Variants in PRR16 observed in about 807,000 individuals in gnomAD.
PRR16 encodes the protein protein Largen.
In PRR16, 6 loss-of-function variants were observed where a neutral mutation model predicts 18.2. That is an observed-to-expected ratio of 0.33 (90% CI 0.18 to 0.65). PRR16 has a LOEUF of 0.65. PRR16 is among the 30% of genes least tolerant of loss of function. PRR16 has a pLI of 0.74. For synonymous variants in PRR16, 151 were observed against 147.8 expected, an observed-to-expected ratio of 1.02 and a Z score of -0.16; for missense variants, 412 against 376.6, an observed-to-expected ratio of 1.09 and a Z score of -0.78.
At position 120,686,459 on chromosome 5, in the gene PRR16, C is replaced by T. The variant is rs1483538900; in HGVS notation, c.665C>T (p.Thr222Ile). The change falls in exon 2 of 2, where the codon ACC becomes ATC. Residue 222 changes from threonine (T) to isoleucine (I), a missense_variant. By Grantham distance (89) the Thr-to-Ile change is moderately conservative (BLOSUM62 -1). Coordinates refer to ENST00000407149, the MANE Select transcript of PRR16 (RefSeq NM_001300783.2). ...CATGGCTATTGTCCTGACTGTGATA[C>T]CCGGTATAACATAAAAAACAGGGAG... ...QYHGYCPDCD[T>I]RYNIKNREVH... 6.2e-7 allele frequency: 1 copy of T among 1,613,962 alleles called. No individual in the cohort carries two copies. Among genetic ancestry groups the T allele is most frequent in the Non-Finnish European group, 8.5e-7 (1 of 1,180,024 alleles).
chr5:120,502,237 T>A (rs1212867058), intron 1 of PRR16, among the ~76,000 whole-genome samples: 1 of 150,964 alleles, frequency 6.6e-6, no homozygotes, highest in Non-Finnish European at 1.5e-5. Flanking sequence ...AACAGTTTCC[T>A]TTTATATGTT....
chr5:120,534,778 T>G (rs1362545177), intron 1 of PRR16, among the ~76,000 whole-genome samples: 2 of 152,144 alleles, frequency 1.3e-5, no homozygotes, highest in East Asian at 3.8e-4. Context: ...CTCTATGTAT[T>G]TAGATGTGAG....
At chr5:120,549,754 G>T (rs1752194051) in intron 1 of PRR16, among the ~76,000 whole-genome samples, 1 of 151,754 alleles carries the variant, frequency 6.6e-6, no homozygotes, top group Non-Finnish European at 1.5e-5. Flanking sequence ...TTGACTTTAG[G>T]TGATTAATTT....
chr5:120,753,940 ATATATGT>A, the PRR16 span, among the ~76,000 whole-genome samples: 12 of 5,920 alleles, frequency 2.0e-3, no homozygotes, highest in Non-Finnish European at 0.04. Flanking sequence ...ATTATATATA[ATATATGT>A]TATATATTAT....
intron 1 of PRR16, among the ~76,000 whole-genome samples, chr5:120,620,114 T>C (rs567786917): frequency 6.6e-6 from 1 of 152,284 alleles, no homozygotes; most frequent in South Asian, 2.1e-4. Context: ...AATTGGCAAG[T>C]CATGGTAAAG....
the PRR16 span, among the ~76,000 whole-genome samples, chr5:120,750,384 C>T: frequency 5.3e-5 from 8 of 151,932 alleles, no homozygotes; most frequent in African/African-American, 1.7e-4. Context: ...CAGAGTCAGG[C>T]GCGGTGGCTC....
At position 120,613,526 on chromosome 5, in the gene PRR16, T is replaced by C. The variant is rs534538875; in HGVS notation, c.160-72428T>C. Among the ~76,000 whole-genome samples, 5 of 152,174 alleles carry C rather than the reference T, an allele frequency of 3.3e-5. No individual in the cohort carries two copies. In the South Asian group the frequency reaches 1.0e-3, roughly 32 times the overall value. The stretch of plus-strand genomic sequence containing the variant: ...AATAACTTATATGTAGGCTTCCATT[T>C]GGGAAAAAATAGAACATAATAAAAA... On this transcript the variant is annotated intron_variant, in intron 1 of 1. Coordinates refer to ENST00000407149, the MANE Select transcript of PRR16 (RefSeq NM_001300783.2).
At chr5:120,651,137 T>G (rs1018509586) in intron 1 of PRR16, among the ~76,000 whole-genome samples, 1 of 152,160 alleles carries the variant, frequency 6.6e-6, no homozygotes, top group Non-Finnish European at 1.5e-5. Flanking sequence ...TTTTGAGAAG[T>G]GTCTGTTCAT....
At chr5:120,635,477 T>A (rs555736196) in intron 1 of PRR16, among the ~76,000 whole-genome samples, 1 of 152,186 alleles carries the variant, frequency 6.6e-6, no homozygotes, top group South Asian at 2.1e-4. Context: ...ATAAAGTCAA[T>A]AAATGTGATA....
intron 1 of PRR16, among the ~76,000 whole-genome samples, chr5:120,629,499 A>G (rs1206243116): frequency 6.6e-6 from 1 of 152,134 alleles, no homozygotes; most frequent in Non-Finnish European, 1.5e-5. Flanking sequence ...CATTGAAAGC[A>G]TCTTAGAATG....
chr5:120,593,012 G>A (rs1753686993), intron 1 of PRR16, among the ~76,000 whole-genome samples: 1 of 151,960 alleles, frequency 6.6e-6, no homozygotes, highest in Non-Finnish European at 1.5e-5. Flanking sequence ...CACAGCTAAG[G>A]CAGTGTTAAG....
At chr5:120,789,794 AT>A in the PRR16 span, among the ~76,000 whole-genome samples, 1,664 of 152,274 alleles carry the variant, frequency 0.011, 25 homozygotes, top group African/African-American at 0.038. Flanking sequence ...TATTTAAAGT[AT>A]GTTTAGACAT....
At chr5:120,501,813 G>A (rs1750463684) in intron 1 of PRR16, among the ~76,000 whole-genome samples, 2 of 151,802 alleles carry the variant, frequency 1.3e-5, no homozygotes, top group East Asian at 1.9e-4. Flanking sequence ...AAAATTAGCC[G>A]GGCGTGGTGG....
chr5:120,678,484 T>C (rs1298219675), intron 1 of PRR16, among the ~76,000 whole-genome samples: 1 of 152,188 alleles, frequency 6.6e-6, no homozygotes, highest in Non-Finnish European at 1.5e-5. Context: ...GCAGTCACTG[T>C]GCTCTCTGCC....
chr5:120,696,693 GAGGTAAGCAAAAAA>G, the PRR16 span, among the ~76,000 whole-genome samples: 2 of 152,228 alleles, frequency 1.3e-5, no homozygotes, highest in Admixed American at 1.3e-4. Flanking sequence ...TGGTTCTGAA[GAGGTAAGCAAAAAA>G]ATTTGAGCTA....
chr5:120,767,135 C>G, the PRR16 span, among the ~76,000 whole-genome samples: 1 of 151,850 alleles, frequency 6.6e-6, no homozygotes, highest in Admixed American at 6.6e-5. Flanking sequence ...GTGAACACAG[C>G]AAGAATTAAC....
chr5:120,625,019 T>G (rs1193640999), intron 1 of PRR16, among the ~76,000 whole-genome samples: 1 of 152,188 alleles, frequency 6.6e-6, no homozygotes, highest in African/African-American at 2.4e-5. Context: ...CACGTGGAAC[T>G]GTAAGTCCAA....
chr5:120,695,910 C>A, the PRR16 span, among the ~76,000 whole-genome samples: 2 of 134,518 alleles, frequency 1.5e-5, no homozygotes, highest in Admixed American at 1.7e-4. Context: ...AAAAAAAAAT[C>A]TTATTCCAAC....
the PRR16 span, among the ~76,000 whole-genome samples, chr5:120,754,285 TATATA>T: frequency 6.1e-5 from 4 of 65,338 alleles, no homozygotes; most frequent in Non-Finnish European, 1.0e-4. Context: ...AATATATAAA[TATATA>T]ATATATAATA....
Sources: allele counts gnomAD v4.1 joint callset (sites outside exome capture counted in the v4.1 genomes callset), GRCh38; gene constraint gnomAD v4.1.1; transcripts MANE v1.5; gene names NCBI Gene and HGNC (gene_info 2026-07-23, HGNC 2026-07-21).